The following RAP1A variants were observed in gnomAD, a reference collection of about 807,000 sequenced individuals.
RAP1A encodes ras-related protein Rap-1A.
RAP1A carries 6 observed loss-of-function variants against 26.4 expected under a neutral mutation model. That is an observed-to-expected ratio of 0.23 (90% CI 0.12 to 0.45). The LOEUF (loss-of-function observed/expected upper bound fraction) is 0.45, where lower values mean the gene tolerates loss of function less well. Among genes scored for constraint, RAP1A ranks in the 20% least tolerant of loss-of-function variants. The pLI, the probability that RAP1A is intolerant of heterozygous loss-of-function variation, is 0.99. For synonymous variants in RAP1A, 73 were observed against 79.4 expected (o/e 0.92, Z 0.43); for missense variants, 121 against 217.2 (o/e 0.56, Z 2.78).
At chr1:111,649,634 T>C in intron 1 of RAP1A, 1 of 189,816 alleles carries the variant, frequency 5.3e-6, no homozygotes, top group Non-Finnish European at 1.1e-5. Context: ...AATATCCCTT[T>C]CTTCTTTTGC....
chr1:111,594,227 C>G (rs893167741), intron 1 of RAP1A, among the ~76,000 whole-genome samples: 4 of 152,158 alleles, frequency 2.6e-5, no homozygotes, highest in Non-Finnish European at 4.4e-5. Context: ...ACTAACACAG[C>G]TTTGGCAGCT....
rs996484109 is a variant in RAP1A at position 111,715,015 on chromosome 1, A to G, written c.*2614A>G. The G allele has an allele frequency of 6.6e-6, 1 of 152,122 alleles. No homozygotes were observed. The highest frequency in any genetic ancestry group is 1.5e-5 in the Non-Finnish European group (1 of 68,042). 9.4% of individuals were successfully genotyped at this position (152,122 alleles called of 1,614,324 possible). A position where few individuals can be genotyped will look rare whatever the true frequency, so the allele number is the denominator to read the frequency against. The stretch of plus-strand genomic sequence containing the variant: ...ATCCCTGAACAGTCTACTTTTAGAA[A>G]TTAACAGTAAATACACAATCCAGCT... On this transcript the variant is annotated 3_prime_UTR_variant, in exon 8 of 8. Coordinates refer to ENST00000369709, the MANE Select transcript of RAP1A (RefSeq NM_002884.4).
At chr1:111,635,517 C>T (rs1043952753) in intron 1 of RAP1A, among the ~76,000 whole-genome samples, 18 of 152,214 alleles carry the variant, frequency 1.2e-4, no homozygotes, top group Middle Eastern at 3.4e-3. Flanking sequence ...AAAATTATTG[C>T]TGCTGTTATT....
At chr1:111,577,736 T>C (rs1434204850) in intron 1 of RAP1A, among the ~76,000 whole-genome samples, 1 of 152,214 alleles carries the variant, frequency 6.6e-6, no homozygotes, top group Non-Finnish European at 1.5e-5. Flanking sequence ...AAATGAGACA[T>C]AAAGCATATA....
At chr1:111,548,978 C>CA (rs1465828093) in intron 1 of RAP1A, among the ~76,000 whole-genome samples, 6 of 152,146 alleles carry the variant, frequency 3.9e-5, no homozygotes, top group Admixed American at 2.6e-4. Context: ...CATTTTAGTG[C>CA]AAAAAATTGA....
intron 1 of RAP1A, chr1:111,649,475 C>T (rs1660192381): frequency 3.2e-6 from 1 of 314,064 alleles, no homozygotes; most frequent in East Asian, 7.9e-5. Flanking sequence ...GGCCAGGCGC[C>T]ATAGCTGGCT....
rs745880795 is a variant in RAP1A, at chr1:111,704,325, G to GTT, written c.325-12_325-11dup. The stretch of plus-strand genomic sequence containing the variant: ...ATGAGTATGTTATTGTTCATTTTAC[G>GTT]TTTTTTTCTTCCCACAGGTTCCAAT... On this transcript the variant is annotated splice_polypyrimidine_tract_variant and intron_variant, in intron 5 of 7. Transcript: ENST00000369709. 1.2e-6 allele frequency: 2 copies of GTT among 1,610,780 alleles called. No individual in the cohort carries two copies. Among genetic ancestry groups the GTT allele is most frequent in the East Asian group, 4.5e-5 (2 of 44,812 alleles).
At chr1:111,684,683 A>G (rs1485718871) in intron 1 of RAP1A, among the ~76,000 whole-genome samples, 4 of 152,182 alleles carry the variant, frequency 2.6e-5, no homozygotes, top group Non-Finnish European at 5.9e-5. Context: ...GGAAGAATCA[A>G]TATCGTGAAA....
chr1:111,690,819 T>G (rs1016059088), intron 1 of RAP1A, among the ~76,000 whole-genome samples: 6 of 152,258 alleles, frequency 3.9e-5, no homozygotes, highest in Non-Finnish European at 7.3e-5. Context: ...CAATTTCATC[T>G]GATCTCCTGT....
chr1:111,564,752 T>A (rs1657874074), intron 1 of RAP1A, among the ~76,000 whole-genome samples: 1 of 151,226 alleles, frequency 6.6e-6, no homozygotes, highest in Non-Finnish European at 1.5e-5. Context: ...GACCTTGTGA[T>A]CCATCCGCCT....
intron 7 of RAP1A, among the ~76,000 whole-genome samples, 184 bp downstream of exon 7, chr1:111,709,448 G>C (rs1236166956): frequency 6.6e-6 from 1 of 152,084 alleles, no homozygotes; most frequent in Non-Finnish European, 1.5e-5. Flanking sequence ...GAGATTCTAA[G>C]CTCTCTGACA....
chr1:111,667,461 G>C (rs1214378897), intron 1 of RAP1A, among the ~76,000 whole-genome samples: 1 of 152,118 alleles, frequency 6.6e-6, no homozygotes, highest in South Asian at 2.1e-4. Context: ...GAGGCGGCTG[G>C]ATCACTTGAC....
At chr1:111,640,576 C>A (rs549950280) in intron 1 of RAP1A, among the ~76,000 whole-genome samples, 46 of 152,290 alleles carry the variant, frequency 3.0e-4, no homozygotes, top group African/African-American at 1.1e-3. Flanking sequence ...ATAATTGTTA[C>A]TAGCTCTTTT....
chr1:111,604,081 C>T (rs1340028478), intron 1 of RAP1A, among the ~76,000 whole-genome samples: 1 of 152,190 alleles, frequency 6.6e-6, no homozygotes, highest in African/African-American at 2.4e-5. Flanking sequence ...GCCTTGGTGT[C>T]TCTGATGAGA....
rs543821336 is a variant in RAP1A at position 111,702,660 on chromosome 1, C to T, written c.184-676C>T. 4.6e-5 allele frequency among the ~76,000 whole-genome samples: 7 copies of T among 151,992 alleles called. No homozygotes were observed. The East Asian group carries it at 5.8e-4, about 13-fold the overall frequency. ...TTGGCTCACTGCAACCTCCACCTCC[C>T]GGGTTCAAGTGATTCTTCTTCCACC... is the stretch of plus-strand genomic sequence containing the variant. On this transcript the variant is annotated intron_variant, in intron 4 of 7. Coordinates refer to ENST00000369709, the MANE Select transcript of RAP1A (RefSeq NM_002884.4).
intron 1 of RAP1A, among the ~76,000 whole-genome samples, chr1:111,592,516 C>A (rs1008100435): frequency 6.6e-6 from 1 of 152,168 alleles, no homozygotes; most frequent in Non-Finnish European, 1.5e-5. Context: ...CTGTAGGCCA[C>A]GCTTGACAGT....
At chr1:111,652,986 C>T (rs914514169) in intron 1 of RAP1A, among the ~76,000 whole-genome samples, 13 of 152,070 alleles carry the variant, frequency 8.5e-5, no homozygotes, top group African/African-American at 2.7e-4. Flanking sequence ...CTGTTCATTA[C>T]AATAAACAAA....
chr1:111,688,808 G>GTTTTT (rs753016302), intron 1 of RAP1A, among the ~76,000 whole-genome samples: 2 of 124,204 alleles, frequency 1.6e-5, no homozygotes. Flanking sequence ...TTTTGTTTTT[G>GTTTTT]TTTTTTTTTT....
intron 1 of RAP1A, among the ~76,000 whole-genome samples, chr1:111,606,639 C>T (rs1430871266): frequency 1.3e-5 from 2 of 152,180 alleles, no homozygotes; most frequent in Non-Finnish European, 2.9e-5. Context: ...CCCACCACCA[C>T]ACTCCTACTG....
Sources: allele counts gnomAD v4.1 joint callset (sites outside exome capture counted in the v4.1 genomes callset), GRCh38; gene constraint gnomAD v4.1.1; transcripts MANE v1.5; gene names NCBI Gene and HGNC (gene_info 2026-07-23, HGNC 2026-07-21).